The following SCO2 variants were observed in gnomAD, a reference collection of about 807,000 sequenced individuals.
SCO2 encodes the protein synthesis of cytochrome C oxidase 2.
For missense variants in SCO2, 429 were observed against 348.7 expected (o/e 1.23, Z -1.83); for synonymous variants, 195 against 148.6 (o/e 1.31, Z -2.27).
upstream of SCO2, chr22:50,526,225 G>A (rs756011288): frequency 1.3e-6 from 2 of 1,517,990 alleles, no homozygotes; most frequent in Admixed American, 2.0e-5. Flanking sequence ...GCGGAAGGAC[G>A]GGGACTCCCC....
In SCO2 at chr22:50,525,564, G is replaced by A. The variant is rs1384743230; in HGVS notation, c.-106C>T. 2.8e-6 allele frequency: 2 copies of A among 720,456 alleles called. No homozygotes were observed. Among genetic ancestry groups the A allele is most frequent in the South Asian group, 1.8e-5 (1 of 54,840 alleles). 44.6% of individuals were successfully genotyped at this position (720,456 alleles called of 1,614,324 possible). A position where few individuals can be genotyped will look rare whatever the true frequency, so the allele number is the denominator to read the frequency against. ...TCTGCCCCGCCGGCTCAGGGAAAGC[G>A]GGCGCCACACGCTCACAGGCAGGGC... On this transcript the variant is annotated 5_prime_UTR_variant, in exon 1 of 2. Coordinates refer to ENST00000395693, the MANE Select transcript of SCO2 (RefSeq NM_005138.3).
chr22:50,524,725 G>A lies in SCO2; in HGVS notation c.-13-301C>T, dbSNP rs147335141. On this transcript the variant is annotated intron_variant, in intron 1 of 1. Transcript: ENST00000395693. ...CTGACGGAAAGCATTCCAAGTGCAT[G>A]CCTTGCCTGAACTAACCACGTTATC... The A allele has an allele frequency of 6.1e-4, 364 of 597,042 alleles. 3 individuals are homozygous for A. Among genetic ancestry groups the A allele is most frequent in the African/African-American group, 5.7e-3 (309 of 54,676 alleles). The allele number at this position is 597,042 out of a possible 1,614,324, so 37.0% of individuals were successfully genotyped here. A position where few individuals can be genotyped will look rare whatever the true frequency, so the allele number is the denominator to read the frequency against.
At chr22:50,525,092 G>T (rs1290083499) in intron 1 of SCO2, among the ~76,000 whole-genome samples, 1 of 152,070 alleles carries the variant, frequency 6.6e-6, no homozygotes, top group Non-Finnish European at 1.5e-5. Context: ...ACGGGCCCCC[G>T]CAGAAGGTTT....
rs1193624908 is a variant in SCO2, at chr22:50,523,578, C to T, written c.*33G>A. 1.2e-6 allele frequency: 2 copies of T among 1,606,632 alleles called. No individual in the cohort carries two copies. The highest frequency in any genetic ancestry group is 1.7e-6 in the Non-Finnish European group (2 of 1,175,540). On this transcript the variant is annotated 3_prime_UTR_variant, in exon 2 of 2. Coordinates refer to ENST00000395693, the MANE Select transcript of SCO2 (RefSeq NM_005138.3). ...ACACACACACACAGATTAAACGCAG[C>T]CCGTTTAATGATGGGGCCCAGACTG...
Position 50,525,573 on chromosome 22 carries a change from A to G in SCO2, c.-115T>C. On this transcript the variant is annotated 5_prime_UTR_variant, in exon 1 of 2. Transcript: ENST00000395693. ...CCGGCTCAGGGAAAGCGGGCGCCAC[A>G]CGCTCACAGGCAGGGCGCAGGCGTC... 1 of 784,394 alleles carries G rather than the reference A, an allele frequency of 1.3e-6. No homozygotes were observed. The highest frequency in any genetic ancestry group is 1.8e-5 in the African/African-American group (1 of 54,566). The allele number at this position is 784,394 out of a possible 1,614,324, so 48.6% of individuals were successfully genotyped here. A position where few individuals can be genotyped will look rare whatever the true frequency, so the allele number is the denominator to read the frequency against.
Position 50,523,950 on chromosome 22 carries a change from C to A in SCO2, c.462G>T (p.Glu154Asp), listed in dbSNP as rs749342893. 6.2e-7 allele frequency: 1 copy of A among 1,612,486 alleles called. No homozygotes were observed. Among genetic ancestry groups the A allele is most frequent in the Admixed American group, 1.7e-5 (1 of 60,014 alleles). ...CAGGCTGCACTGGAGGCAAACCAGG[C>A]TCTGCTTCCAGCTGCCGCACCACCT... is the stretch of plus-strand genomic sequence containing the variant. ...LVQVVRQLEA[E>D]PGLPPVQPVF... The change falls in exon 2 of 2, where the codon GAG (glutamate) becomes GAT (aspartate). Residue 154 changes from glutamate to aspartate, a missense_variant. Physicochemically the swap from Glu to Asp is conservative, Grantham distance 45 (BLOSUM62 2). Coordinates refer to ENST00000395693, the MANE Select transcript of SCO2 (RefSeq NM_005138.3).
chr22:50,524,947 C>T (rs1168683847), intron 1 of SCO2, among the ~76,000 whole-genome samples: 1 of 152,032 alleles, frequency 6.6e-6, no homozygotes, highest in Non-Finnish European at 1.5e-5. Context: ...CTGTGTTTAA[C>T]CTCTCCTGGC....
In SCO2 at chr22:50,524,376, G is replaced by T; in HGVS notation, c.36C>A (p.His12Gln). The T allele has an allele frequency of 6.2e-7, 1 of 1,603,230 alleles. No individual in the cohort carries two copies. Among genetic ancestry groups the T allele is most frequent in the Non-Finnish European group, 8.5e-7 (1 of 1,179,928 alleles). Residue 12 changes from histidine (H) to glutamine (Q), a missense_variant, in exon 2 of 2, where the codon CAC (histidine) becomes CAA (glutamine). By Grantham distance (24) the His-to-Gln change is conservative. Coordinates refer to ENST00000395693, the MANE Select transcript of SCO2 (RefSeq NM_005138.3). Reference protein sequence around the residue: ...LLLTRSPTAWHRLSQLKPRVL... With the variant: ...LLLTRSPTAWQRLSQLKPRVL... ...CCCGAGGCTTGAGCTGAGAGAGCCT[G>T]TGCCAAGCTGTGGGGCTCCGAGTCA...
upstream of SCO2, chr22:50,525,755 C>G: frequency 6.2e-7 from 1 of 1,609,402 alleles, no homozygotes. Context: ...GACAAGGTTT[C>G]GCGGCAAAGG....
Position 50,524,331 on chromosome 22 carries a change from TC to T in SCO2, c.80del (p.Gly27GlufsTer7). The T allele has an allele frequency of 1.2e-6, 2 of 1,601,580 alleles. No homozygotes were observed. Among genetic ancestry groups the T allele is most frequent in the Non-Finnish European group, 1.7e-6 (2 of 1,179,892 alleles). On this transcript the variant is annotated frameshift_variant, in exon 2 of 2. Coordinates refer to ENST00000395693, the MANE Select transcript of SCO2 (RefSeq NM_005138.3). LOFTEE classifies it low-confidence loss of function (END_TRUNC). ...AGGACCTCAGATGCAGGGCCTGGCCTCCCAGGGTCCCAGGGAGGACCCGAGG... is the reference window on the plus strand; with the variant it reads ...AGGACCTCAGATGCAGGGCCTGGCCTCCAGGGTCCCAGGGAGGACCCGAGG... ...LKPRVLPGTLGGQALHLRSWL... is the reference protein window; with the variant it reads ...LKPRVLPGTLXGQALHLRSWL...
At chr22:50,525,963 C>T, upstream of SCO2, 2 of 1,366,688 alleles carry the variant, frequency 1.5e-6, no homozygotes, top group African/African-American at 1.5e-5. Flanking sequence ...CGGAGCTGGG[C>T]GGGGGTGCGG....
Position 50,523,817 on chromosome 22 carries a change from C to A in SCO2, c.595G>T (p.Ala199Ser). 6.2e-7 allele frequency: 1 copy of A among 1,614,122 alleles called. No individual in the cohort carries two copies. The highest frequency in any genetic ancestry group is 8.5e-7 in the Non-Finnish European group (1 of 1,180,038). ...ACGCGGTAACTGTGACTAGCCTGGG[C>A]AACCTGTTTGGTGGAGCCGGTCAGA... is the stretch of plus-strand genomic sequence containing the variant. ...LGLTGSTKQV[A>S]QASHSYRVYY... The change falls in exon 2 of 2, where the codon GCC becomes TCC. Residue 199 changes from alanine (A) to serine (S), a missense_variant. Transcript: ENST00000395693.
At position 50,524,364 on chromosome 22, in the gene SCO2, C is replaced by T. The variant is rs1483932961; in HGVS notation, c.48G>A (p.Gln16=). The T allele has an allele frequency of 6.2e-7, 1 of 1,602,292 alleles. No homozygotes were observed. Among genetic ancestry groups the T allele is most frequent in the African/African-American group, 1.3e-5 (1 of 74,916 alleles). ...RSPTAWHRLS[Q]LKPRVLPGTL... Reference sequence around the variant, plus strand: ...TCCCAGGGAGGACCCGAGGCTTGAGCTGAGAGAGCCTGTGCCAAGCTGTGG... The same window carrying T: ...TCCCAGGGAGGACCCGAGGCTTGAGTTGAGAGAGCCTGTGCCAAGCTGTGG... The change falls in exon 2 of 2, where the codon CAG becomes CAA. Residue 16 remains glutamine, a synonymous_variant. Transcript: ENST00000395693.
chr22:50,524,040 C>T lies in SCO2; in HGVS notation c.372G>A (p.Val124=). Residue 124 remains valine, a synonymous_variant, in exon 2 of 2, where the codon GTG becomes GTA. Coordinates refer to ENST00000395693, the MANE Select transcript of SCO2 (RefSeq NM_005138.3). ...AGTGAGTGAAGCCAAAGTACATCAG[C>T]ACCCACTGGCCCCGGAAGTCAGCCT... ...RCKADFRGQW[V]LMYFGFTHCP... The T allele has an allele frequency of 1.2e-6, 2 of 1,613,528 alleles. No individual in the cohort carries two copies. The highest frequency in any genetic ancestry group is 2.2e-5 in the South Asian group (2 of 91,088).
Position 50,523,782 on chromosome 22 carries a change from A to G in SCO2, c.630T>C (p.Asn210=), listed in dbSNP as rs1313787581. 1.2e-6 allele frequency: 2 copies of G among 1,614,032 alleles called. No homozygotes were observed. Among genetic ancestry groups the G allele is most frequent in the Non-Finnish European group, 8.5e-7 (1 of 1,180,038 alleles). ...CCTGGTCCTCATCCTTGGGGCCTGC[A>G]TTGTAGTACACGCGGTAACTGTGAC... is the stretch of plus-strand genomic sequence containing the variant. The part of the protein sequence containing the change: ...QASHSYRVYY[N]AGPKDEDQDY... The change falls in exon 2 of 2, where the codon AAT becomes AAC. Residue 210 remains asparagine (N), a synonymous_variant. Transcript: ENST00000395693.
chr22:50,524,770 T>C, intron 1 of SCO2: 1 of 441,982 alleles, frequency 2.3e-6, no homozygotes, highest in Non-Finnish European at 4.5e-6. Flanking sequence ...TAAACCCATT[T>C]CTTAAAAGGA....
At position 50,523,646 on chromosome 22, in the gene SCO2, G is replaced by A. The variant is rs374528231; in HGVS notation, c.766C>T (p.Arg256Trp). The A allele has an allele frequency of 8.1e-6, 13 of 1,613,744 alleles. No individual in the cohort carries two copies. The highest frequency in any genetic ancestry group is 2.2e-5 in the East Asian group (1 of 44,896). ...ACACTGCGGAAAGCCGCCATGTGCC[G>A]CCGCACACTGTCTGAGATCTGCTCA... ...SAEQISDSVR[R>W]HMAAFRSVLS Residue 256 changes from arginine to tryptophan, a missense_variant, in exon 2 of 2, where the codon CGG becomes TGG. By Grantham distance (101) the Arg-to-Trp change is moderately radical. Coordinates refer to ENST00000395693, the MANE Select transcript of SCO2 (RefSeq NM_005138.3).
At chr22:50,526,183 C>T (rs768918924), upstream of SCO2, 44 of 1,471,366 alleles carry the variant, frequency 3.0e-5, no homozygotes, top group Non-Finnish European at 3.7e-5. Context: ...CGGGAAGGGG[C>T]GGGGCCTCGG....
Position 50,524,435 on chromosome 22 carries a change from G to A in SCO2, c.-13-11C>T. The A allele has an allele frequency of 1.2e-6, 2 of 1,609,154 alleles. No homozygotes were observed. The highest frequency in any genetic ancestry group is 1.7e-6 in the Non-Finnish European group (2 of 1,178,868). ...ATGGATCTGATGCTCCTGGAAACAA[G>A]CACAGGCGTCAGGAGCCAGAAGGGA... On this transcript the variant is annotated splice_polypyrimidine_tract_variant and intron_variant, in intron 1 of 1. Coordinates refer to ENST00000395693, the MANE Select transcript of SCO2 (RefSeq NM_005138.3).
Sources: gnomAD v4.1 joint callset for allele counts (sites outside exome capture counted in the v4.1 genomes callset) on GRCh38, gnomAD v4.1.1 for gene constraint, MANE v1.5 for transcripts, NCBI Gene and HGNC (gene_info 2026-07-23, HGNC 2026-07-21) for gene names.